Variants in EML4 observed in about 807,000 individuals in gnomAD.
EML4 encodes the protein EMAP like 4, also known as echinoderm microtubule-associated protein-like 4.
EML4 carries 72 observed loss-of-function variants against 129.0 expected under a neutral mutation model. The ratio of observed to expected loss-of-function variants is 0.56; its 90% CI spans 0.46 to 0.68. The LOEUF (loss-of-function observed/expected upper bound fraction) is 0.68, where lower values mean the gene tolerates loss of function less well. EML4 is among the 30% of genes least tolerant of loss of function. EML4 has a pLI of 0.00. For missense variants in EML4, 1,363 were observed against 1,190.6 expected (o/e 1.14, Z -2.13); for synonymous variants, 532 against 405.0 (o/e 1.31, Z -3.77).
chr2:42,199,260 A>G (rs1299753806), intron 1 of EML4, among the ~76,000 whole-genome samples: 1 of 152,186 alleles, frequency 6.6e-6, no homozygotes, highest in Non-Finnish European at 1.5e-5. Flanking sequence ...GGATTATTCA[A>G]TTGGGTAGTG....
chr2:42,205,894 A>G (rs1229610479), intron 1 of EML4, among the ~76,000 whole-genome samples: 1 of 152,098 alleles, frequency 6.6e-6, no homozygotes, highest in South Asian at 2.1e-4. Context: ...ATATTCTGCC[A>G]CTTTGGAATT....
chr2:42,278,333 G>A (rs1387783747), intron 6 of EML4, among the ~76,000 whole-genome samples: 2 of 152,160 alleles, frequency 1.3e-5, no homozygotes, highest in African/African-American at 2.4e-5. Context: ...AGCACTTTGG[G>A]AGGCTGAGGG....
intron 2 of EML4, among the ~76,000 whole-genome samples, chr2:42,249,114 T>A (rs531750385): frequency 6.6e-6 from 1 of 152,190 alleles, no homozygotes; most frequent in East Asian, 1.9e-4. Context: ...AGTTTTGATA[T>A]TAAACAGGAT....
At chr2:42,188,167 T>C (rs1485693681) in intron 1 of EML4, among the ~76,000 whole-genome samples, 1 of 151,964 alleles carries the variant, frequency 6.6e-6, no homozygotes, top group Non-Finnish European at 1.5e-5. Context: ...TTCTGCACTC[T>C]GTATTCTGTT....
chr2:42,244,833 A>G (rs58175908), intron 1 of EML4, among the ~76,000 whole-genome samples: 8,552 of 152,188 alleles, frequency 0.056, 764 homozygotes, highest in African/African-American at 0.19. Flanking sequence ...TAATTAAGAA[A>G]GGTTAAATAG....
intron 1 of EML4, chr2:42,170,418 C>G (rs1670201563): frequency 6.6e-6 from 1 of 152,170 alleles, no homozygotes; most frequent in African/African-American, 2.4e-5. Context: ...AAGGGGGCCT[C>G]TATCAGGGAA....
At chr2:42,315,899 A>G in intron 17 of EML4, 63 bp from the exon 18 acceptor site, 1 of 1,266,092 alleles carries the variant, frequency 7.9e-7, no homozygotes, top group South Asian at 1.3e-5. Flanking sequence ...AAGAAAAAGA[A>G]CAACTTTTTT....
At chr2:42,242,458 C>T (rs1675098841) in intron 1 of EML4, among the ~76,000 whole-genome samples, 1 of 152,134 alleles carries the variant, frequency 6.6e-6, no homozygotes, top group Admixed American at 6.5e-5. Flanking sequence ...AACTGGAACA[C>T]AAGGTAGTTA....
intron 1 of EML4, among the ~76,000 whole-genome samples, chr2:42,232,546 T>C (rs1398499223): frequency 6.6e-6 from 1 of 152,184 alleles, no homozygotes; most frequent in Non-Finnish European, 1.5e-5. Context: ...CCTGTAATGT[T>C]TCAAACACAT....
At chr2:42,244,074 G>C (rs199536972) in intron 1 of EML4, among the ~76,000 whole-genome samples, 45,317 of 139,288 alleles carry the variant, frequency 0.33, 7,681 homozygotes, top group East Asian at 0.57. Context: ...TGTTTTTTTT[G>C]TTTTTTGTTT....
intron 5 of EML4, among the ~76,000 whole-genome samples, chr2:42,263,624 C>T (rs532804650): frequency 6.6e-6 from 1 of 151,708 alleles, no homozygotes; most frequent in East Asian, 1.9e-4. Context: ...AGGATGGTCT[C>T]GATCTCTTGA....
intron 1 of EML4, among the ~76,000 whole-genome samples, chr2:42,241,542 G>A (rs1040871271): frequency 6.6e-6 from 1 of 152,156 alleles, no homozygotes; most frequent in Non-Finnish European, 1.5e-5. Flanking sequence ...TACTGCAACA[G>A]CCTCCTGTCT....
intron 1 of EML4, among the ~76,000 whole-genome samples, chr2:42,219,669 G>A (rs532742916): frequency 6.6e-6 from 1 of 152,234 alleles, no homozygotes; most frequent in African/African-American, 2.4e-5. Flanking sequence ...TGTAATCCCA[G>A]GATTTTGGGA....
chr2:42,258,951 A>C (rs1255955502), intron 3 of EML4, among the ~76,000 whole-genome samples: 1 of 152,218 alleles, frequency 6.6e-6, no homozygotes, highest in Non-Finnish European at 1.5e-5. Context: ...TGATTAAGAA[A>C]GACATGTAAA....
chr2:42,314,789 A>G (rs1335997340), intron 17 of EML4, among the ~76,000 whole-genome samples: 1 of 152,154 alleles, frequency 6.6e-6, no homozygotes, highest in African/African-American at 2.4e-5. Flanking sequence ...TTGTCTGTCC[A>G]TGGTTCCCAT....
rs1295156267 is a variant in EML4 at position 42,331,521 on chromosome 2, ATTTTG to A, written c.*1320_*1324del. 14 of 223,650 alleles carry A rather than the reference ATTTTG, an allele frequency of 6.3e-5. No individual in the cohort carries two copies. Among genetic ancestry groups the A allele is most frequent in the Non-Finnish European group, 1.3e-4 (14 of 111,990 alleles). The allele number at this position is 223,650 out of a possible 1,614,324, so 13.9% of individuals were successfully genotyped here. ...GTTTATACTTTGATTATAAAAAAGTATTTTGTTTTGATTTTTTAACTTGCTGCATT... is the reference window on the plus strand; with the variant it reads ...GTTTATACTTTGATTATAAAAAAGTATTTTGATTTTTTAACTTGCTGCATT... On this transcript the variant is annotated 3_prime_UTR_variant, in exon 23 of 23. Transcript: ENST00000318522.
chr2:42,245,031 T>C (rs1046099541), intron 1 of EML4, among the ~76,000 whole-genome samples: 13 of 151,524 alleles, frequency 8.6e-5, no homozygotes, highest in Admixed American at 3.3e-4. Flanking sequence ...AAAGTCTTTA[T>C]AGAAGTTAAT....
chr2:42,185,027 C>T (rs888794426), intron 1 of EML4, among the ~76,000 whole-genome samples: 2 of 152,058 alleles, frequency 1.3e-5, no homozygotes, highest in African/African-American at 4.8e-5. Context: ...AATTTTCTCT[C>T]CTTTGTGCAA....
chr2:42,237,863 G>T (rs1674772964), intron 1 of EML4, among the ~76,000 whole-genome samples: 1 of 152,182 alleles, frequency 6.6e-6, no homozygotes, highest in Admixed American at 6.5e-5. Flanking sequence ...GGAGGAAGAG[G>T]AGAGGTTGGC....
Sources: gnomAD v4.1 joint callset for allele counts (sites outside exome capture counted in the v4.1 genomes callset) on GRCh38, gnomAD v4.1.1 for gene constraint, MANE v1.5 for transcripts, NCBI Gene and HGNC (gene_info 2026-07-23, HGNC 2026-07-21) for gene names.